GIPC2: variants seen among roughly 807,000 people sequenced by gnomAD.
GIPC2 encodes PDZ domain-containing protein GIPC2.
Under a neutral mutation model 30.6 loss-of-function variants are expected in GIPC2, and 30 were observed. The observed-to-expected ratio is 0.98, with a 90% CI of 0.73 to 1.33. The LOEUF (loss-of-function observed/expected upper bound fraction) is 1.33. Among genes scored for constraint, GIPC2 ranks in the 40% most tolerant of loss-of-function variants. The pLI is 0.00. For missense variants in GIPC2, 414 were observed against 390.3 expected (o/e 1.06, Z -0.51); for synonymous variants, 167 against 150.0 (o/e 1.11, Z -0.83).
chr1:78,123,615 G>A (rs550962754), intron 4 of GIPC2, among the ~76,000 whole-genome samples: 88 of 152,214 alleles, frequency 5.8e-4, no homozygotes, highest in African/African-American at 2.0e-3. Context: ...CCAAAGGCAG[G>A]GAGACAAAAT....
At chr1:78,091,924 A>G (rs630640) in intron 2 of GIPC2, 202,038 of 847,106 alleles carry the variant, frequency 0.24, 26,291 homozygotes, top group East Asian at 0.48. Context: ...TCTATTAACA[A>G]CACTCTGTTC....
intron 2 of GIPC2, among the ~76,000 whole-genome samples, chr1:78,093,936 T>C (rs1324736217): frequency 6.6e-6 from 1 of 152,112 alleles, no homozygotes; most frequent in Non-Finnish European, 1.5e-5. Flanking sequence ...AAATTCTTGG[T>C]GCCATCTTGG....
Position 78,080,660 on chromosome 1 carries a change from T to C in GIPC2, c.241-15T>C. On this transcript the variant is annotated splice_polypyrimidine_tract_variant and intron_variant, in intron 1 of 5. Transcript: ENST00000370759. ...CCAAGTGGAAATGGACCTGACATTT[T>C]ATTTTTCTTTGCAGATCTTATATTG... 1 of 1,519,942 alleles carries C rather than the reference T, an allele frequency of 6.6e-7. No individual in the cohort carries two copies. 94.2% of individuals were successfully genotyped at this position (1,519,942 alleles called of 1,614,324 possible).
intron 2 of GIPC2, 106 bp from the exon 3 acceptor site, chr1:78,094,846 A>G (rs1421703901): frequency 2.9e-6 from 2 of 694,966 alleles, no homozygotes; most frequent in East Asian, 5.1e-5. Flanking sequence ...TCTCCCATCC[A>G]AGTACTAACC....
At chr1:78,045,076 A>C (rs1236224185), upstream of GIPC2, 18 of 983,646 alleles carry the variant, frequency 1.8e-5, no homozygotes, top group Non-Finnish European at 2.2e-5. Context: ...AGAAGAATGA[A>C]ATGGGCAACG....
chr1:78,077,757 C>G (rs1433149019), intron 1 of GIPC2, among the ~76,000 whole-genome samples: 1 of 152,168 alleles, frequency 6.6e-6, no homozygotes, highest in Non-Finnish European at 1.5e-5. Context: ...ATGGCCACTT[C>G]ACTGTTAGTT....
At chr1:78,123,259 C>CAAAAAA (rs757371953) in intron 4 of GIPC2, among the ~76,000 whole-genome samples, 2 of 52,144 alleles carry the variant, frequency 3.8e-5, no homozygotes, top group Admixed American at 2.3e-4. Context: ...GACTCCATCT[C>CAAAAAA]AAAAAAAAAA....
intron 3 of GIPC2, among the ~76,000 whole-genome samples, chr1:78,100,136 A>G (rs1435971822): frequency 6.6e-6 from 1 of 152,226 alleles, no homozygotes; most frequent in South Asian, 2.1e-4. Flanking sequence ...AATAATAGCT[A>G]TAATTTGTTC....
In GIPC2 at chr1:78,060,292, G is replaced by A. The variant is rs551060713; in HGVS notation, c.240+13958G>A. 2.0e-5 allele frequency among the ~76,000 whole-genome samples: 3 copies of A among 151,970 alleles called. No homozygotes were observed. The East Asian group carries it at 5.8e-4, about 29-fold the overall frequency. On this transcript the variant is annotated intron_variant, in intron 1 of 5. Coordinates refer to ENST00000370759, the MANE Select transcript of GIPC2 (RefSeq NM_017655.6). ...CCCAAGTAACTAGGATTATAGGTGT[G>A]CACCACCATGTGTGGCTAGTTTTTG... is the stretch of plus-strand genomic sequence containing the variant.
intron 3 of GIPC2, among the ~76,000 whole-genome samples, chr1:78,115,176 A>AT (rs11347153): frequency 5.1e-4 from 77 of 150,552 alleles, no homozygotes; most frequent in African/African-American, 1.7e-3. Context: ...TTTTATTTTT[A>AT]TTTTTTTTTC....
At chr1:78,105,301 T>C (rs1160467735) in intron 3 of GIPC2, among the ~76,000 whole-genome samples, 1 of 151,578 alleles carries the variant, frequency 6.6e-6, no homozygotes, top group Non-Finnish European at 1.5e-5. Context: ...TTTTTTTTTT[T>C]TTTTGAGATG....
rs747732643 is a variant in GIPC2, at chr1:78,080,825, A to G, written c.391A>G (p.Ile131Val). ...YKSEDSLGLT[I>V]TDNGVGYAFI... ...ATCTGAGGATTCACTTGGTCTCACC[A>G]TTACAGATAATGGTGTTGGCTATGC... The change falls in exon 2 of 6, where the codon ATT (isoleucine) becomes GTT (valine). Residue 131 changes from isoleucine to valine, a missense_variant. By Grantham distance (29) the Ile-to-Val change is conservative (BLOSUM62 3). Transcript: ENST00000370759. 5.0e-6 allele frequency: 8 copies of G among 1,608,844 alleles called. No homozygotes were observed. The Admixed American group carries it at 8.4e-5, about 17-fold the overall frequency.
chr1:78,110,181 A>C (rs539020502), intron 3 of GIPC2, among the ~76,000 whole-genome samples: 1 of 135,536 alleles, frequency 7.4e-6, no homozygotes, highest in South Asian at 2.3e-4. Flanking sequence ...AACTTAAAGT[A>C]AAAAAAAAAA....
chr1:78,113,227 A>AC lies in GIPC2; in HGVS notation c.608-6165dup, dbSNP rs201649006. Among the ~76,000 whole-genome samples the AC allele has an allele frequency of 8.4e-3, 1,272 of 152,182 alleles. 15 individuals are homozygous for AC. The highest frequency in any genetic ancestry group is 0.029 in the African/African-American group (1,220 of 41,520). On this transcript the variant is annotated intron_variant, in intron 3 of 5. Coordinates refer to ENST00000370759, the MANE Select transcript of GIPC2 (RefSeq NM_017655.6). ...GTGGGTTCTATTTCATTAAAAAAAA[A>AC]CAGATATGTGAAATGATGGCTGTTT...
At chr1:78,094,775 C>T in intron 2 of GIPC2, 177 bp from the exon 3 acceptor site, 1 of 504,874 alleles carries the variant, frequency 2.0e-6, no homozygotes, top group South Asian at 3.4e-5. Context: ...GTCTCAAAAG[C>T]ATAAAAAGTA....
In GIPC2 at chr1:78,138,111, C is replaced by T. The variant is rs1160770388; in HGVS notation, c.*2368C>T. On this transcript the variant is annotated 3_prime_UTR_variant, in exon 6 of 6. Transcript: ENST00000370759. ...CCACTAATAGCACACAATGCGTTTT[C>T]TTTGATTGTAGCAGAAAATGCAAAT... The T allele has an allele frequency of 6.6e-6, 1 of 151,886 alleles. No homozygotes were observed. The highest frequency in any genetic ancestry group is 2.1e-4 in the South Asian group (1 of 4,814). The allele number at this position is 151,886 out of a possible 1,614,324, so 9.4% of individuals were successfully genotyped here.
chr1:78,087,495 G>A (rs182809315), intron 2 of GIPC2, among the ~76,000 whole-genome samples: 128 of 152,270 alleles, frequency 8.4e-4, no homozygotes, highest in African/African-American at 2.9e-3. Flanking sequence ...AAGCAATGGG[G>A]AAGACTCCCT....
intron 2 of GIPC2, among the ~76,000 whole-genome samples, chr1:78,081,724 C>T (rs190356205): frequency 6.6e-5 from 10 of 152,306 alleles, no homozygotes; most frequent in Admixed American, 6.5e-4. Flanking sequence ...AAAATAACAA[C>T]TCTATTATTG....
chr1:78,132,739 C>T (rs1662924070), intron 5 of GIPC2, among the ~76,000 whole-genome samples: 1 of 148,386 alleles, frequency 6.7e-6, no homozygotes, highest in African/African-American at 2.5e-5. Flanking sequence ...TGAACATCTG[C>T]ATCCTTGTCA....
Sources: allele counts gnomAD v4.1 joint callset (sites outside exome capture counted in the v4.1 genomes callset), GRCh38; gene constraint gnomAD v4.1.1; transcripts MANE v1.5; gene names NCBI Gene and HGNC (gene_info 2026-07-23, HGNC 2026-07-21).